Variants in COL23A1 observed in about 807,000 individuals in gnomAD.
COL23A1 encodes the protein collagen type XXIII alpha 1 chain.
Under a neutral mutation model 99.3 loss-of-function variants are expected in COL23A1, and 97 were observed. The observed-to-expected ratio is 0.98, with a 90% confidence interval of 0.83 to 1.16. The LOEUF (loss-of-function observed/expected upper bound fraction) is 1.16, where lower values mean the gene tolerates loss of function less well. Ranked by LOEUF, COL23A1 falls within the 50% of genes most tolerant of loss-of-function variation. The probability of loss-of-function intolerance (pLI) is 0.00; values close to 1 mark genes in which losing one functional copy is unlikely to be tolerated. For missense variants in COL23A1, 762 were observed against 757.4 expected (o/e 1.01, Z -0.07); for synonymous variants, 320 against 308.2 (o/e 1.04, Z -0.40).
At chr5:178,293,480 T>C (rs955740128) in intron 3 of COL23A1, among the ~76,000 whole-genome samples, 1 of 151,856 alleles carries the variant, frequency 6.6e-6, no homozygotes, top group African/African-American at 2.4e-5. Flanking sequence ...CTGCAGGAGG[T>C]GTTCGGGGAC....
intron 3 of COL23A1, 134 bp from the exon 4 acceptor site, chr5:178,290,503 T>A (rs1757397458): frequency 8.4e-7 from 1 of 1,189,208 alleles, no homozygotes; most frequent in East Asian, 2.4e-5. Context: ...GATGCTGCCA[T>A]GGCTGTTTCC....
At chr5:178,332,729 GC>G (rs1760100241) in intron 2 of COL23A1, among the ~76,000 whole-genome samples, 1 of 151,988 alleles carries the variant, frequency 6.6e-6, no homozygotes. Context: ...AAAAAAGCAT[GC>G]AAGCCCCATG....
intron 1 of COL23A1, among the ~76,000 whole-genome samples, chr5:178,576,124 A>T (rs1475590352): frequency 6.6e-6 from 1 of 151,962 alleles, no homozygotes; most frequent in African/African-American, 2.4e-5. Context: ...TCCAACTTAC[A>T]GCCGTTGGGG....
intron 2 of COL23A1, among the ~76,000 whole-genome samples, chr5:178,559,554 C>T (rs1217804922): frequency 1.2e-4 from 17 of 138,010 alleles, no homozygotes; most frequent in Admixed American, 4.3e-4. Context: ...CCCTGCACGT[C>T]GAGAAGTCTG....
rs67705983 is a variant in COL23A1 at position 178,310,265 on chromosome 5, C to T, written c.362-3346G>A. On this transcript the variant is annotated intron_variant, in intron 2 of 28. Coordinates refer to ENST00000390654, the MANE Select transcript of COL23A1 (RefSeq NM_173465.4). The surrounding 1 kb of genome is among the most constrained non-coding windows in gnomAD (Gnocchi z 4.3). ...GGGCTTGGAGACTGGATTGCAGGAG[C>T]CGCAGGAGTGGGGGCAGGACGGACG... Among the ~76,000 whole-genome samples, 12,038 of 146,460 alleles carry T rather than the reference C, an allele frequency of 0.082. 918 individuals are homozygous for T. Among genetic ancestry groups the T allele is most frequent in the African/African-American group, 0.23 (8,359 of 36,042 alleles).
chr5:178,257,384 C>G (rs970040014), intron 13 of COL23A1, 139 bp downstream of exon 13: 2 of 1,004,840 alleles, frequency 2.0e-6, no homozygotes, highest in Non-Finnish European at 3.0e-6. Flanking sequence ...CGCGGCCTTC[C>G]TCTGCCTCTC....
intron 16 of COL23A1, among the ~76,000 whole-genome samples, chr5:178,253,293 T>A (rs1581455897): frequency 5.1e-5 from 2 of 39,594 alleles, no homozygotes; most frequent in South Asian, 1.7e-3. Flanking sequence ...CCCTCCCACC[T>A]CCCTATCCTG....
At chr5:178,370,433 G>C (rs1762736017) in intron 2 of COL23A1, among the ~76,000 whole-genome samples, 1 of 152,112 alleles carries the variant, frequency 6.6e-6, no homozygotes, top group Non-Finnish European at 1.5e-5. Context: ...AACACCACAT[G>C]ATCTCACTGA....
Position 178,291,842 on chromosome 5 carries a change from G to A in COL23A1, c.407-1473C>T, listed in dbSNP as rs1757476059. Among the ~76,000 whole-genome samples, 2 of 151,932 alleles carry A rather than the reference G, an allele frequency of 1.3e-5. 1 individual carries two copies. Among genetic ancestry groups the A allele is most frequent in the Non-Finnish European group, 2.9e-5 (2 of 67,980 alleles). ...AAGGAGAGAGATGACAAGGATTTTTGGCTTGAAACACTGATGTACTCACAC... is the reference window on the plus strand; with the variant it reads ...AAGGAGAGAGATGACAAGGATTTTTAGCTTGAAACACTGATGTACTCACAC... On this transcript the variant is annotated intron_variant, in intron 3 of 28. Coordinates refer to ENST00000390654, the MANE Select transcript of COL23A1 (RefSeq NM_173465.4).
chr5:178,247,684 C>G (rs897305457), intron 21 of COL23A1, 91 bp downstream of exon 21: 2 of 1,549,256 alleles, frequency 1.3e-6, no homozygotes, highest in Non-Finnish European at 8.9e-7. Context: ...GAAGCCCGCT[C>G]TCTCCTGGGT....
At chr5:178,379,282 C>A (rs7710007) in intron 2 of COL23A1, among the ~76,000 whole-genome samples, 16,454 of 152,016 alleles carry the variant, frequency 0.11, 1,810 homozygotes, top group African/African-American at 0.29. Context: ...AAAGGTATCT[C>A]ATGAGTCAGC....
intron 2 of COL23A1, among the ~76,000 whole-genome samples, chr5:178,392,687 G>A (rs760329553): frequency 1.3e-5 from 2 of 152,142 alleles, no homozygotes; most frequent in Non-Finnish European, 2.9e-5. Context: ...AATGTATCAC[G>A]CTACCCCATG....
At chr5:178,546,865 T>G (rs1217319181) in intron 2 of COL23A1, among the ~76,000 whole-genome samples, 2 of 152,254 alleles carry the variant, frequency 1.3e-5, no homozygotes, top group Middle Eastern at 3.4e-3. Context: ...GCACCATCTC[T>G]GCAAGGCCAG....
chr5:178,483,253 C>T (rs1359873971), intron 2 of COL23A1, among the ~76,000 whole-genome samples: 1 of 152,038 alleles, frequency 6.6e-6, no homozygotes, highest in African/African-American at 2.4e-5. Context: ...AAATGAGTCC[C>T]TTTTGAATTA....
intron 2 of COL23A1, among the ~76,000 whole-genome samples, chr5:178,517,045 C>T (rs1759558446): frequency 6.6e-6 from 1 of 152,168 alleles, no homozygotes; most frequent in East Asian, 1.9e-4. Flanking sequence ...GGCCTCCAGG[C>T]TGCGGGGTGC....
At chr5:178,350,039 C>A (rs1460201472) in intron 2 of COL23A1, among the ~76,000 whole-genome samples, 2 of 152,210 alleles carry the variant, frequency 1.3e-5, no homozygotes, top group Admixed American at 1.3e-4. Flanking sequence ...TCTGTGCCCC[C>A]TCTCCAGGCA....
rs1561940679 is a variant in COL23A1, at chr5:178,403,133, A to AAAAAAAAAC, written c.362-96215_362-96214insGTTTTTTTT. Among the ~76,000 whole-genome samples, 2 of 146,356 alleles carry AAAAAAAAAC rather than the reference A, an allele frequency of 1.4e-5. 1 individual carries two copies. Among genetic ancestry groups the AAAAAAAAAC allele is most frequent in the Non-Finnish European group, 3.0e-5 (2 of 67,310 alleles). On this transcript the variant is annotated intron_variant, in intron 2 of 28. Coordinates refer to ENST00000390654, the MANE Select transcript of COL23A1 (RefSeq NM_173465.4). ...CAAAAAAAAAAAAAATAAATAAATA[A>AAAAAAAAAC]AAAATAAATACCATTTACCGAAATC...
At chr5:178,363,896 G>A (rs552655302) in intron 2 of COL23A1, among the ~76,000 whole-genome samples, 5 of 152,310 alleles carry the variant, frequency 3.3e-5, no homozygotes, top group East Asian at 3.9e-4. Flanking sequence ...GTGTGGACAC[G>A]TAGGTTCACG....
intron 2 of COL23A1, among the ~76,000 whole-genome samples, chr5:178,341,494 G>A (rs1760658034): frequency 6.6e-6 from 1 of 152,172 alleles, no homozygotes; most frequent in Non-Finnish European, 1.5e-5. Context: ...TGAGCAAAGG[G>A]GTCCCCCAGT....
Sources: allele counts gnomAD v4.1 joint callset (sites outside exome capture counted in the v4.1 genomes callset), GRCh38; gene constraint gnomAD v4.1.1; non-coding constraint Gnocchi (gnomAD v3.1); transcripts MANE v1.5; gene names NCBI Gene and HGNC (gene_info 2026-07-23, HGNC 2026-07-21).